Variants in TMEM232 observed in about 807,000 individuals in gnomAD.
TMEM232 encodes transmembrane protein 232.
TMEM232 carries 80 observed loss-of-function variants against 78.8 expected under a neutral mutation model. The observed-to-expected ratio is 1.01, with a 90% CI of 0.85 to 1.22. TMEM232 has a LOEUF of 1.22. Among genes scored for constraint, TMEM232 ranks in the 50% most tolerant of loss-of-function variants. The pLI, the probability that TMEM232 is intolerant of heterozygous loss-of-function variation, is 0.00. For synonymous variants in TMEM232, 297 were observed against 254.3 expected (o/e 1.17, Z -1.60); for missense variants, 881 against 742.2 (o/e 1.19, Z -2.17).
At chr5:110,599,733 C>T (rs1351323771) in intron 10 of TMEM232, among the ~76,000 whole-genome samples, 2 of 152,032 alleles carry the variant, frequency 1.3e-5, no homozygotes, top group African/African-American at 4.8e-5. Context: ...CTTTAATACC[C>T]CACTGTCAAT....
chr5:110,527,916 A>G lies in TMEM232; in HGVS notation c.1703+672T>C, dbSNP rs567824154. Among the ~76,000 whole-genome samples the G allele has an allele frequency of 1.4e-4, 21 of 152,110 alleles. No individual in the cohort carries two copies. In the East Asian group the frequency reaches 3.7e-3, roughly 27 times the overall value. ...ATTAAAGCTTTACTAAGAGATCTACAATGTAAAATAGGGCCTGTGTTATAT... is the reference window on the plus strand; with the variant it reads ...ATTAAAGCTTTACTAAGAGATCTACGATGTAAAATAGGGCCTGTGTTATAT... On this transcript the variant is annotated intron_variant, in intron 12 of 13. Coordinates refer to ENST00000455884, the MANE Select transcript of TMEM232 (RefSeq NM_001039763.4).
chr5:110,694,562 C>T (rs986373757), intron 1 of TMEM232, among the ~76,000 whole-genome samples: 1 of 152,118 alleles, frequency 6.6e-6, no homozygotes. Context: ...GGAAACCCAT[C>T]TCACGTGCAG....
intron 1 of TMEM232, among the ~76,000 whole-genome samples, chr5:110,722,762 G>A (rs1267990246): frequency 1.3e-5 from 2 of 152,162 alleles, no homozygotes; most frequent in Non-Finnish European, 2.9e-5. Context: ...AGATTATTGG[G>A]AGCATCTTAG....
chr5:110,702,464 T>C (rs1795527165), intron 1 of TMEM232, among the ~76,000 whole-genome samples: 1 of 152,028 alleles, frequency 6.6e-6, no homozygotes, highest in Non-Finnish European at 1.5e-5. Context: ...GTAGAAGCTC[T>C]CTGGAATTCA....
At chr5:110,692,453 G>A (rs1489381758) in intron 1 of TMEM232, among the ~76,000 whole-genome samples, 1 of 152,190 alleles carries the variant, frequency 6.6e-6, no homozygotes, top group Admixed American at 6.5e-5. Flanking sequence ...GACAGTGGGT[G>A]CAGGAGAGTG....
intron 10 of TMEM232, among the ~76,000 whole-genome samples, chr5:110,576,327 T>C (rs1777570169): frequency 6.6e-6 from 1 of 152,062 alleles, no homozygotes; most frequent in Non-Finnish European, 1.5e-5. Context: ...CAGCTAACTA[T>C]GGCAGTGAAA....
intron 8 of TMEM232, chr5:110,610,673 GACTGA>G (rs1392146389): frequency 1.5e-5 from 6 of 397,836 alleles, no homozygotes; most frequent in African/African-American, 1.3e-4. Context: ...AAAAATTCTG[GACTGA>G]AAATTAAACA....
intron 2 of TMEM232, among the ~76,000 whole-genome samples, chr5:110,665,545 G>T (rs1790451772): frequency 6.6e-6 from 1 of 152,048 alleles, no homozygotes; most frequent in Non-Finnish European, 1.5e-5. Flanking sequence ...TGAGAAGGGG[G>T]AAGCACCAGA....
intron 1 of TMEM232, among the ~76,000 whole-genome samples, chr5:110,671,480 A>G (rs889468841): frequency 6.6e-6 from 1 of 152,190 alleles, no homozygotes. Flanking sequence ...TCACAATAGC[A>G]CAGACTTGGA....
chr5:110,577,551 A>G (rs1156766344), intron 10 of TMEM232, among the ~76,000 whole-genome samples: 1 of 152,108 alleles, frequency 6.6e-6, no homozygotes, highest in African/African-American at 2.4e-5. Context: ...AAATCATTTT[A>G]TTATGAAGAC....
At chr5:110,579,964 G>A (rs1008663421) in intron 10 of TMEM232, among the ~76,000 whole-genome samples, 1 of 151,576 alleles carries the variant, frequency 6.6e-6, no homozygotes, top group Non-Finnish European at 1.5e-5. Flanking sequence ...AGTAAGGCAT[G>A]GAAAAGACAT....
intron 2 of TMEM232, among the ~76,000 whole-genome samples, chr5:110,644,623 A>C (rs1477466431): frequency 6.6e-6 from 1 of 151,848 alleles, no homozygotes; most frequent in Admixed American, 6.6e-5. Context: ...AGCAGTAATA[A>C]CAGAAAAGCT....
chr5:110,731,578 TGCTAAG>T (rs936950566), upstream of TMEM232, among the ~76,000 whole-genome samples: 17 of 152,340 alleles, frequency 1.1e-4, no homozygotes, highest in Admixed American at 7.2e-4. Flanking sequence ...ACATGGAAGC[TGCTAAG>T]GCTTAGGGTT....
chr5:110,430,660 A>G (rs976118121), intron 12 of TMEM232, among the ~76,000 whole-genome samples: 5 of 151,784 alleles, frequency 3.3e-5, no homozygotes, highest in Admixed American at 3.3e-4. Context: ...TGTCATAATC[A>G]TCGATCATGG....
chr5:110,410,878 T>C (rs1755970910), intron 2 of TMEM232, among the ~76,000 whole-genome samples: 1 of 152,140 alleles, frequency 6.6e-6, no homozygotes, highest in African/African-American at 2.4e-5. Flanking sequence ...TTGGAGCCTA[T>C]GTTCTGTCTT....
intron 1 of TMEM232, among the ~76,000 whole-genome samples, chr5:110,698,741 G>T (rs1292954214): frequency 6.6e-6 from 1 of 152,014 alleles, no homozygotes; most frequent in Non-Finnish European, 1.5e-5. Flanking sequence ...TCTCCCTAGG[G>T]TTATCCCTTT....
At chr5:110,721,099 T>C (rs559915790) in intron 1 of TMEM232, among the ~76,000 whole-genome samples, 2 of 152,196 alleles carry the variant, frequency 1.3e-5, no homozygotes, top group East Asian at 3.9e-4. Context: ...AAAAAGTTAT[T>C]CCCGGTAAAG....
At chr5:110,556,152 G>A (rs148536177) in intron 11 of TMEM232, among the ~76,000 whole-genome samples, 5,893 of 152,146 alleles carry the variant, frequency 0.039, 177 homozygotes, top group African/African-American at 0.08. Context: ...GCACTCCCTT[G>A]AGGACTTCTT....
At chr5:110,427,670 T>C (rs1433111541) in intron 12 of TMEM232, among the ~76,000 whole-genome samples, 4 of 151,644 alleles carry the variant, frequency 2.6e-5, no homozygotes, top group African/African-American at 9.7e-5. Flanking sequence ...CCAGAAGCTT[T>C]GGGGAAAAAT....
Sources: gnomAD v4.1 joint callset for allele counts (sites outside exome capture counted in the v4.1 genomes callset) on GRCh38, gnomAD v4.1.1 for gene constraint, MANE v1.5 for transcripts, NCBI Gene and HGNC (gene_info 2026-07-23, HGNC 2026-07-21) for gene names.